JMJD1C: variants seen among roughly 807,000 people sequenced by gnomAD.
JMJD1C encodes jumonji domain-containing protein 1C.
In JMJD1C, 31 loss-of-function variants were observed where a neutral mutation model predicts 245.3. The ratio of observed to expected loss-of-function variants is 0.13; its 90% CI spans 0.09 to 0.17. JMJD1C has a LOEUF of 0.17. JMJD1C is among the 10% of genes least tolerant of loss of function. The probability of loss-of-function intolerance (pLI) is 1.00; values close to 1 mark genes in which losing one functional copy is unlikely to be tolerated. For synonymous variants in JMJD1C, 1,057 were observed against 1,017.4 expected (o/e 1.04, Z -0.74); for missense variants, 2,691 against 3,000.2 (o/e 0.90, Z 2.41).
chr10:63,465,732 G>C lies in JMJD1C; in HGVS notation c.-70C>G, dbSNP rs767103524. ...AACCGATGAAACCTCACTCCTACCG[G>C]CCGCTCATGCTGAGGAGAGCGGACC... On this transcript the variant is annotated 5_prime_UTR_variant, in exon 1 of 26. Coordinates refer to ENST00000399262, the MANE Select transcript of JMJD1C (RefSeq NM_032776.3). 3 of 1,558,024 alleles carry C rather than the reference G, an allele frequency of 1.9e-6. No individual in the cohort carries two copies. In the African/African-American group the frequency reaches 4.0e-5, roughly 21 times the overall value.
intron 2 of JMJD1C, among the ~76,000 whole-genome samples, chr10:63,280,485 G>A (rs368159972): frequency 6.6e-6 from 1 of 152,118 alleles, no homozygotes. Flanking sequence ...AGGAAGCGGA[G>A]GTTGCAGTGG....
intron 1 of JMJD1C, among the ~76,000 whole-genome samples, chr10:63,439,982 A>G (rs996528597): frequency 6.6e-6 from 1 of 152,242 alleles, no homozygotes; most frequent in Non-Finnish European, 1.5e-5. Context: ...GTGAGATATG[A>G]AAGCAACCTT....
At chr10:63,185,346 G>C (rs933083427) in intron 20 of JMJD1C, among the ~76,000 whole-genome samples, 2 of 151,756 alleles carry the variant, frequency 1.3e-5, no homozygotes, top group African/African-American at 4.8e-5. Flanking sequence ...TGGCCAGACT[G>C]ATCTCCAAGT....
chr10:63,432,041 G>T (rs963066812), intron 1 of JMJD1C, among the ~76,000 whole-genome samples: 9 of 152,098 alleles, frequency 5.9e-5, no homozygotes, highest in African/African-American at 1.9e-4. Flanking sequence ...ACTCACTTTT[G>T]TAACTGTTGC....
intron 2 of JMJD1C, among the ~76,000 whole-genome samples, chr10:63,365,322 A>C (rs1390503277): frequency 1.3e-5 from 2 of 152,182 alleles, no homozygotes; most frequent in Non-Finnish European, 2.9e-5. Flanking sequence ...TGAACACAAA[A>C]ATTTTAGTTT....
chr10:63,241,516 T>TC (rs1240827895), intron 3 of JMJD1C, among the ~76,000 whole-genome samples: 15 of 152,326 alleles, frequency 9.8e-5, no homozygotes, highest in African/African-American at 3.6e-4. Flanking sequence ...AGGCTTTCAC[T>TC]CCAAGCTTAA....
chr10:63,422,608 C>G (rs372626302), intron 1 of JMJD1C, among the ~76,000 whole-genome samples: 1 of 152,100 alleles, frequency 6.6e-6, no homozygotes, highest in Non-Finnish European at 1.5e-5. Context: ...CTACTGTAGA[C>G]CCACTCAATG....
At chr10:63,433,212 T>A (rs1407204070) in intron 1 of JMJD1C, among the ~76,000 whole-genome samples, 5 of 152,018 alleles carry the variant, frequency 3.3e-5, no homozygotes, top group Admixed American at 3.3e-4. Flanking sequence ...TTCTCCTGCC[T>A]CAGCCTCCCG....
intron 1 of JMJD1C, among the ~76,000 whole-genome samples, chr10:63,502,080 T>C (rs528338556): frequency 6.6e-6 from 1 of 152,376 alleles, no homozygotes; most frequent in East Asian, 1.9e-4. Context: ...TATACTTATT[T>C]ATGTACATTC....
chr10:63,359,052 T>C (rs1051750796), intron 2 of JMJD1C: 4 of 153,422 alleles, frequency 2.6e-5, no homozygotes, highest in Non-Finnish European at 4.4e-5. Context: ...TGAGCAGCCA[T>C]ACTAATGAAA....
chr10:63,183,206 A>G (rs553379012), intron 22 of JMJD1C, among the ~76,000 whole-genome samples: 2 of 152,228 alleles, frequency 1.3e-5, no homozygotes, highest in African/African-American at 4.8e-5. Context: ...TTTCATCAAC[A>G]CAATACTTAA....
Position 63,465,778 on chromosome 10 carries a change from A to G in JMJD1C, c.-116T>C, listed in dbSNP as rs370813677. 236 of 1,276,364 alleles carry G rather than the reference A, an allele frequency of 1.8e-4. No homozygotes were observed. The South Asian group carries it at 2.7e-3, about 14-fold the overall frequency. 79.1% of individuals were successfully genotyped at this position (1,276,364 alleles called of 1,614,324 possible). On this transcript the variant is annotated 5_prime_UTR_variant, in exon 1 of 26. Transcript: ENST00000399262. ...GGACCGGGACACAGCAGCGGACCCG[A>G]AAGAGCGCAGACTCGGGACGAACCG... is the stretch of plus-strand genomic sequence containing the variant.
chr10:63,183,660 A>T (rs910022164), intron 21 of JMJD1C, 91 bp from the exon 22 acceptor site: 2 of 698,622 alleles, frequency 2.9e-6, no homozygotes, highest in African/African-American at 3.7e-5. Context: ...CGATCTGCAT[A>T]ATTTAATTGT....
At chr10:63,201,796 G>A (rs1277538391) in intron 10 of JMJD1C, among the ~76,000 whole-genome samples, 2 of 152,032 alleles carry the variant, frequency 1.3e-5, no homozygotes, top group Non-Finnish European at 2.9e-5. Flanking sequence ...CTGGCATGGT[G>A]GCGCATACCT....
chr10:63,268,995 T>C, intron 2 of JMJD1C: 1 of 985,510 alleles, frequency 1.0e-6, no homozygotes. Flanking sequence ...CTCTTTGTCA[T>C]CAGCACTGTG....
intron 1 of JMJD1C, among the ~76,000 whole-genome samples, chr10:63,510,098 G>C (rs1403411967): frequency 6.6e-6 from 1 of 151,534 alleles, no homozygotes; most frequent in Admixed American, 6.6e-5. Context: ...CGCCTCCTAG[G>C]TTCACAAAAT....
At chr10:63,276,650 G>A (rs915060613) in intron 2 of JMJD1C, among the ~76,000 whole-genome samples, 7 of 152,024 alleles carry the variant, frequency 4.6e-5, no homozygotes, top group African/African-American at 1.7e-4. Context: ...TGTATTTTTA[G>A]TAGGGACAGG....
chr10:63,329,884 G>A (rs889779635), intron 2 of JMJD1C, among the ~76,000 whole-genome samples: 2 of 152,062 alleles, frequency 1.3e-5, no homozygotes, highest in African/African-American at 4.8e-5. Flanking sequence ...TAGGGTAAGT[G>A]TCCTGAGCAT....
intron 1 of JMJD1C, chr10:63,382,964 A>G (rs1947327602): frequency 2.5e-6 from 1 of 392,850 alleles, no homozygotes; most frequent in Non-Finnish European, 5.0e-6. Flanking sequence ...TATATAAGCA[A>G]ATACCGTCCT....
Sources: allele counts gnomAD v4.1 joint callset (sites outside exome capture counted in the v4.1 genomes callset), GRCh38; gene constraint gnomAD v4.1.1; transcripts MANE v1.5; gene names NCBI Gene and HGNC (gene_info 2026-07-23, HGNC 2026-07-21).